Variants in RBFOX3 observed in about 807,000 individuals in gnomAD.
RBFOX3 encodes RNA binding fox-1 homolog 3.
Under a neutral mutation model 48.7 loss-of-function variants are expected in RBFOX3, and 17 were observed. The ratio of observed to expected loss-of-function variants is 0.35; its 90% CI spans 0.24 to 0.52. The LOEUF (loss-of-function observed/expected upper bound fraction) is 0.52. Among genes scored for constraint, RBFOX3 ranks in the 20% least tolerant of loss-of-function variants. RBFOX3 has a pLI of 0.94. For synonymous variants in RBFOX3, 212 were observed against 209.5 expected, an observed-to-expected ratio of 1.01 and a Z score of -0.10; for missense variants, 382 against 497.5, an observed-to-expected ratio of 0.77 and a Z score of 2.21.
intron 2 of RBFOX3, among the ~76,000 whole-genome samples, chr17:79,358,672 G>A (rs2085702631): frequency 6.6e-6 from 1 of 152,148 alleles, no homozygotes; most frequent in Non-Finnish European, 1.5e-5. Context: ...TGTTGGCCAG[G>A]CTGGTCTCGA....
rs2062557785 is a variant in RBFOX3 at position 79,242,651 on chromosome 17, G to A, written c.-73-6846C>T. Among the ~76,000 whole-genome samples, 1 of 152,060 alleles carries A rather than the reference G, an allele frequency of 6.6e-6. No homozygotes were observed. Among genetic ancestry groups the A allele is most frequent in the African/African-American group, 2.4e-5 (1 of 41,390 alleles). ...CTGAGCCATAAACTGTCACCATTAG[G>A]GAGACCGGGGAGTTCTGGCAGGTTC... On this transcript the variant is annotated intron_variant, in intron 3 of 14. Transcript: ENST00000693108. The surrounding 1 kb of genome is among the most constrained non-coding windows in gnomAD (Gnocchi z 5.8).
At chr17:79,253,429 C>T (rs1600236107) in intron 3 of RBFOX3, among the ~76,000 whole-genome samples, 5 of 152,280 alleles carry the variant, frequency 3.3e-5, no homozygotes, top group South Asian at 4.1e-4. Context: ...TAACCAGAAA[C>T]GAATCTTTCT....
chr17:79,623,519 A>G, the RBFOX3 span, among the ~76,000 whole-genome samples: 1 of 152,270 alleles, frequency 6.6e-6, no homozygotes, highest in East Asian at 1.9e-4. Flanking sequence ...GGTCCTTAAA[A>G]GTGGAAGAGG....
rs116933425 is a variant in RBFOX3, at chr17:79,358,997, G to C, written c.-174-51173C>G. Among the ~76,000 whole-genome samples the C allele has an allele frequency of 1.0e-2, 1,519 of 152,346 alleles. 13 individuals are homozygous for C. The highest frequency in any genetic ancestry group is 0.022 in the South Asian group (108 of 4,828). On this transcript the variant is annotated intron_variant, in intron 2 of 14. Transcript: ENST00000693108. ...GAGTGGCACAGGGAAGCTGCCCCCT[G>C]CCCCACACCCAGCCCAGGGAGGCAC...
At chr17:79,584,913 C>T (rs2093195356) in intron 1 of RBFOX3, among the ~76,000 whole-genome samples, 1 of 152,010 alleles carries the variant, frequency 6.6e-6, no homozygotes, top group Non-Finnish European at 1.5e-5. Flanking sequence ...CTACAGGCAC[C>T]CGCCACCACA....
chr17:79,649,587 TC>T, the RBFOX3 span, among the ~76,000 whole-genome samples: 3 of 152,166 alleles, frequency 2.0e-5, no homozygotes, highest in African/African-American at 4.8e-5. Context: ...AGGCCTGTAA[TC>T]CCAGCTACTG....
At chr17:79,499,127 T>C (rs536391778) in intron 1 of RBFOX3, among the ~76,000 whole-genome samples, 43 of 149,204 alleles carry the variant, frequency 2.9e-4, no homozygotes, top group African/African-American at 9.5e-4. Context: ...CATCCATCCA[T>C]CCACCCACCC....
intron 2 of RBFOX3, among the ~76,000 whole-genome samples, chr17:79,426,523 C>T (rs1247022656): frequency 6.6e-6 from 1 of 152,140 alleles, no homozygotes; most frequent in African/African-American, 2.4e-5. Flanking sequence ...AGGCACCTAT[C>T]ATCCTCGTTT....
chr17:79,448,666 AG>A (rs2072849358), intron 2 of RBFOX3, among the ~76,000 whole-genome samples: 1 of 152,152 alleles, frequency 6.6e-6, no homozygotes, highest in South Asian at 2.1e-4. Flanking sequence ...CTGCTGTTTT[AG>A]GCCCCCAGAA....
chr17:79,131,102 G>T (rs2038763935), intron 4 of RBFOX3, among the ~76,000 whole-genome samples: 1 of 151,778 alleles, frequency 6.6e-6, no homozygotes, highest in Admixed American at 6.6e-5. Context: ...TGTGCCCCGT[G>T]TGTGCACATG....
upstream of RBFOX3, among the ~76,000 whole-genome samples, chr17:79,614,110 G>C (rs958755380): frequency 3.9e-5 from 6 of 152,226 alleles, no homozygotes; most frequent in Admixed American, 1.3e-4. Flanking sequence ...GCTGAGTCTC[G>C]GCCCAGAGGC....
chr17:79,651,511 G>A, the RBFOX3 span, among the ~76,000 whole-genome samples: 2,343 of 152,206 alleles, frequency 0.015, 55 homozygotes, highest in African/African-American at 0.053. Context: ...CTGATGGAGT[G>A]TGGCATGCAA....
chr17:79,517,977 G>A (rs1225660656), intron 1 of RBFOX3, among the ~76,000 whole-genome samples: 1 of 152,096 alleles, frequency 6.6e-6, no homozygotes, highest in African/African-American at 2.4e-5. Context: ...GAAACCGAAC[G>A]AGACTCCCAT....
At chr17:79,646,555 C>T in the RBFOX3 span, among the ~76,000 whole-genome samples, 1 of 152,172 alleles carries the variant, frequency 6.6e-6, no homozygotes, top group African/African-American at 2.4e-5. Flanking sequence ...AAACCATCAG[C>T]TGTTGTGAGA....
chr17:79,529,084 G>A (rs1439853794), intron 1 of RBFOX3, among the ~76,000 whole-genome samples: 3 of 152,186 alleles, frequency 2.0e-5, no homozygotes, highest in African/African-American at 7.2e-5. Context: ...TATCTCTTGT[G>A]AGATCTCATT....
intron 4 of RBFOX3, among the ~76,000 whole-genome samples, chr17:79,219,794 G>A (rs184752893): frequency 2.4e-4 from 37 of 152,178 alleles, no homozygotes; most frequent in Non-Finnish European, 4.1e-4. Context: ...GGAAGCGGGA[G>A]GAGTAAAGGC....
chr17:79,472,947 C>T (rs1441901937), intron 2 of RBFOX3, among the ~76,000 whole-genome samples: 1 of 152,154 alleles, frequency 6.6e-6, no homozygotes, highest in African/African-American at 2.4e-5. Flanking sequence ...CACTATGCTG[C>T]CCAGCTGATC....
In RBFOX3 at chr17:79,106,152, G is replaced by A. The variant is rs142740798; in HGVS notation, c.360+499C>T. ...CTGGGGGCCCGGGGGACACAGGCCCGGAGAGGTTGACTGCCCGGCCCCCGG... is the reference window on the plus strand; with the variant it reads ...CTGGGGGCCCGGGGGACACAGGCCCAGAGAGGTTGACTGCCCGGCCCCCGG... On this transcript the variant is annotated intron_variant, in intron 6 of 14. Coordinates refer to ENST00000693108, the MANE Select transcript of RBFOX3 (RefSeq NM_001350451.2). Among the ~76,000 whole-genome samples, 74 of 152,146 alleles carry A rather than the reference G, an allele frequency of 4.9e-4. No homozygotes were observed. In the East Asian group the frequency reaches 0.013, roughly 26 times the overall value.
chr17:79,117,524 C>T (rs781718165), intron 4 of RBFOX3, among the ~76,000 whole-genome samples: 4 of 152,216 alleles, frequency 2.6e-5, no homozygotes, highest in South Asian at 4.1e-4. Context: ...GTCTTTCTCC[C>T]GCTTCCCTCC....
Sources: gnomAD v4.1 joint callset for allele counts (sites outside exome capture counted in the v4.1 genomes callset) on GRCh38, gnomAD v4.1.1 for gene constraint, Gnocchi (gnomAD v3.1) non-coding constraint, MANE v1.5 for transcripts, NCBI Gene and HGNC (gene_info 2026-07-23, HGNC 2026-07-21) for gene names.